The following PARN variants were observed in gnomAD, a reference collection of about 807,000 sequenced individuals.
PARN encodes the protein poly(A)-specific ribonuclease.
A neutral mutation model predicts 102.8 loss-of-function variants in PARN; 71 were observed. That is an observed-to-expected ratio of 0.69 (90% CI 0.57 to 0.84). The LOEUF (loss-of-function observed/expected upper bound fraction) is 0.84, where lower values mean the gene tolerates loss of function less well. Among genes scored for constraint, PARN ranks in the 40% least tolerant of loss-of-function variants. PARN has a pLI of 0.00. For synonymous variants in PARN, 261 were observed against 252.9 expected (o/e 1.03, Z -0.30); for missense variants, 782 against 760.9 (o/e 1.03, Z -0.33).
At chr16:14,529,903 C>A (rs1388103563) in intron 21 of PARN, among the ~76,000 whole-genome samples, 2 of 152,070 alleles carry the variant, frequency 1.3e-5, no homozygotes, top group Non-Finnish European at 2.9e-5. Flanking sequence ...TACAGAAATC[C>A]AGAAATCCAG....
At chr16:14,606,781 A>AT (rs373632720) in intron 9 of PARN, among the ~76,000 whole-genome samples, 1,560 of 132,008 alleles carry the variant, frequency 0.012, 55 homozygotes, top group Admixed American at 0.081. Flanking sequence ...GGTATTTTCT[A>AT]TTTTTTTTTT....
intron 17 of PARN, among the ~76,000 whole-genome samples, chr16:14,581,925 T>C (rs1276220382): frequency 6.6e-6 from 1 of 152,196 alleles, no homozygotes; most frequent in Non-Finnish European, 1.5e-5. Flanking sequence ...GCGGCACAGC[T>C]TCTGCTCTCT....
intron 21 of PARN, among the ~76,000 whole-genome samples, chr16:14,545,053 T>C (rs1240708685): frequency 2.0e-5 from 3 of 152,098 alleles, no homozygotes; most frequent in Admixed American, 6.5e-5. Context: ...CCAGGCATCC[T>C]AGCGTGTGTC....
At chr16:14,565,887 G>T (rs1031500440) in intron 18 of PARN, among the ~76,000 whole-genome samples, 1 of 152,182 alleles carries the variant, frequency 6.6e-6, no homozygotes, top group Non-Finnish European at 1.5e-5. Flanking sequence ...AGTCAATGCA[G>T]GTGACATACT....
intron 12 of PARN, among the ~76,000 whole-genome samples, chr16:14,598,858 C>G (rs1046759871): frequency 2.0e-5 from 3 of 152,036 alleles, no homozygotes; most frequent in Non-Finnish European, 4.4e-5. Flanking sequence ...TAAAGCTTCC[C>G]TGATGCAAAG....
chr16:14,484,537 T>C (rs944922240), intron 21 of PARN, among the ~76,000 whole-genome samples: 2 of 152,180 alleles, frequency 1.3e-5, no homozygotes, highest in African/African-American at 4.8e-5. Context: ...GGATATGGAA[T>C]AGTTCTCAAT....
At chr16:14,629,451 G>A (rs1972892731) in intron 2 of PARN, 146 bp downstream of exon 2, 1 of 641,336 alleles carries the variant, frequency 1.6e-6, no homozygotes, top group Non-Finnish European at 2.8e-6. Context: ...AACGTTTAAA[G>A]GGTAACACTG....
At chr16:14,451,094 G>C (rs568670648) in intron 22 of PARN, among the ~76,000 whole-genome samples, 1 of 152,292 alleles carries the variant, frequency 6.6e-6, no homozygotes, top group East Asian at 1.9e-4. Context: ...CCAAGCTGCA[G>C]AGACTATATA....
rs1448166079 is a variant in PARN at position 14,446,955 on chromosome 16, C to A, written c.1797G>T (p.Glu599Asp). The part of the protein sequence containing the change: ...TELEQTDSCA[E>D]PLSEGRKKAK... The stretch of plus-strand genomic sequence containing the variant: ...CCTTTTTCCTTCCCTCTGAGAGGGG[C>A]TCTGCACAGGAATCGGTCTGCTCAA... The change falls in exon 23 of 24, where the codon GAG (glutamate) becomes GAT (aspartate). Residue 599 changes from glutamate to aspartate, a missense_variant. Glu to Asp is a conservative substitution (Grantham distance 45). Transcript: ENST00000437198. 1 of 1,613,594 alleles carries A rather than the reference C, an allele frequency of 6.2e-7. No individual in the cohort carries two copies. Among genetic ancestry groups the A allele is most frequent in the Non-Finnish European group, 8.5e-7 (1 of 1,179,580 alleles).
chr16:14,542,415 C>A (rs1230277815), intron 21 of PARN, among the ~76,000 whole-genome samples: 1 of 151,362 alleles, frequency 6.6e-6, no homozygotes, highest in Non-Finnish European at 1.5e-5. Context: ...TCAAACTGGG[C>A]TCAAGCAATC....
At chr16:14,444,724 T>C (rs916665433) in intron 23 of PARN, among the ~76,000 whole-genome samples, 5 of 152,236 alleles carry the variant, frequency 3.3e-5, no homozygotes, top group African/African-American at 1.2e-4. Flanking sequence ...ATTCATTATT[T>C]TAACATTTGT....
intron 22 of PARN, among the ~76,000 whole-genome samples, chr16:14,474,116 CTGAG>C (rs1258086522): frequency 1.3e-5 from 2 of 152,168 alleles, no homozygotes; most frequent in Non-Finnish European, 2.9e-5. Context: ...CCTCAACCTC[CTGAG>C]TATCTGGGAC....
chr16:14,574,662 G>A lies in PARN; in HGVS notation c.1262+6212C>T, dbSNP rs188296297. Among the ~76,000 whole-genome samples the A allele has an allele frequency of 8.2e-4, 125 of 152,226 alleles. 1 individual carries two copies. The South Asian group carries it at 0.013, about 15-fold the overall frequency. On this transcript the variant is annotated intron_variant, in intron 18 of 23. Coordinates refer to ENST00000437198, the MANE Select transcript of PARN (RefSeq NM_002582.4). ...CATGAGGCAGAGGTTGCAGTGAGCCGAGATTGTGCCACTGCACTCCAGCCT... is the reference window on the plus strand; with the variant it reads ...CATGAGGCAGAGGTTGCAGTGAGCCAAGATTGTGCCACTGCACTCCAGCCT...
chr16:14,506,344 A>G (rs541978763), intron 21 of PARN, among the ~76,000 whole-genome samples: 2 of 152,232 alleles, frequency 1.3e-5, no homozygotes, highest in Non-Finnish European at 2.9e-5. Context: ...CCAAAAATAA[A>G]AATAGAAAAA....
At chr16:14,584,721 G>T in intron 15 of PARN, 28 bp downstream of exon 15, 1 of 1,515,174 alleles carries the variant, frequency 6.6e-7, no homozygotes, top group Non-Finnish European at 9.0e-7. Flanking sequence ...ATATGCAGTC[G>T]CTTTATAAAG....
chr16:14,491,367 C>A (rs1249702515), intron 21 of PARN, among the ~76,000 whole-genome samples: 1 of 151,846 alleles, frequency 6.6e-6, no homozygotes, highest in African/African-American at 2.4e-5. Context: ...CTGAACAGGA[C>A]CAGGTGCTCT....
chr16:14,623,282 G>A (rs981607109), intron 5 of PARN, among the ~76,000 whole-genome samples: 6 of 152,012 alleles, frequency 3.9e-5, no homozygotes, highest in African/African-American at 9.6e-5. Flanking sequence ...TTGGGAGGCC[G>A]AGGTGGGCAG....
chr16:14,620,193 T>C (rs926800043), intron 5 of PARN, among the ~76,000 whole-genome samples: 4 of 150,136 alleles, frequency 2.7e-5, no homozygotes, highest in Admixed American at 2.0e-4. Context: ...CTGGCTAACA[T>C]GGTGAAACCC....
At chr16:14,603,740 G>A (rs1476251040) in intron 11 of PARN, among the ~76,000 whole-genome samples, 1 of 152,206 alleles carries the variant, frequency 6.6e-6, no homozygotes, top group Non-Finnish European at 1.5e-5. Flanking sequence ...CAAGCAGGGT[G>A]ATGTTCCAAC....
Sources: allele counts gnomAD v4.1 joint callset (sites outside exome capture counted in the v4.1 genomes callset), GRCh38; gene constraint gnomAD v4.1.1; transcripts MANE v1.5; gene names NCBI Gene and HGNC (gene_info 2026-07-23, HGNC 2026-07-21).